Variants in NCOA2 observed in about 807,000 individuals in gnomAD.
The protein encoded by NCOA2 is class E basic helix-loop-helix protein 75.
A neutral mutation model predicts 145.1 loss-of-function variants in NCOA2; 21 were observed. The observed-to-expected ratio is 0.14, with a 90% CI of 0.10 to 0.21. The LOEUF (loss-of-function observed/expected upper bound fraction) is 0.21, where lower values mean the gene tolerates loss of function less well. Among genes scored for constraint, NCOA2 ranks in the 10% least tolerant of loss-of-function variants. The pLI, the probability that NCOA2 is intolerant of heterozygous loss-of-function variation, is 1.00. For synonymous variants in NCOA2, 619 were observed against 637.5 expected, an observed-to-expected ratio of 0.97 and a Z score of 0.44; for missense variants, 1,472 against 1,837.6, an observed-to-expected ratio of 0.80 and a Z score of 3.64.
At chr8:70,177,068 G>A (rs143685123) in intron 4 of NCOA2, among the ~76,000 whole-genome samples, 4 of 152,320 alleles carry the variant, frequency 2.6e-5, no homozygotes, top group African/African-American at 9.6e-5. Context: ...CCCACAGACT[G>A]ACTGATCTGC....
At chr8:70,353,839 T>C (rs1413530153) in intron 1 of NCOA2, among the ~76,000 whole-genome samples, 3 of 152,186 alleles carry the variant, frequency 2.0e-5, no homozygotes, top group Non-Finnish European at 4.4e-5. Flanking sequence ...ATATACATTT[T>C]AACTCCCCAT....
chr8:70,307,408 A>T (rs1383549068), intron 1 of NCOA2, among the ~76,000 whole-genome samples: 2 of 152,082 alleles, frequency 1.3e-5, no homozygotes, highest in African/African-American at 4.8e-5. Context: ...TTGTGGCTAA[A>T]TTTTTCTTCA....
intron 2 of NCOA2, among the ~76,000 whole-genome samples, chr8:70,264,320 C>A (rs1238375000): frequency 6.6e-6 from 1 of 151,994 alleles, no homozygotes. Context: ...GAGTTTCAGA[C>A]CAGTCTGGGC....
At chr8:70,159,242 A>ATTTTTTTTTTTTTTTTTTTT (rs763150293) in intron 10 of NCOA2, among the ~76,000 whole-genome samples, 2 of 61,078 alleles carry the variant, frequency 3.3e-5, no homozygotes, top group African/African-American at 1.1e-4. Flanking sequence ...ATATATATAT[A>ATTTTTTTTTTTTTTTTTTTT]TTTTTTTTTT....
upstream of NCOA2, among the ~76,000 whole-genome samples, chr8:70,403,976 T>C (rs1193975056): frequency 1.3e-5 from 2 of 151,748 alleles, no homozygotes; most frequent in African/African-American, 4.8e-5. Flanking sequence ...TCCCCGGCAG[T>C]GGCCGCCGCC....
the NCOA2 span, among the ~76,000 whole-genome samples, chr8:70,419,706 T>A: frequency 6.6e-6 from 1 of 152,212 alleles, no homozygotes; most frequent in African/African-American, 2.4e-5. Context: ...ATGATTTGTG[T>A]CATCTACCAA....
chr8:70,422,564 C>T, the NCOA2 span, among the ~76,000 whole-genome samples: 1 of 152,076 alleles, frequency 6.6e-6, no homozygotes, highest in Non-Finnish European at 1.5e-5. Context: ...GTGTGCACCA[C>T]CACACCCAGC....
chr8:70,389,333 T>C (rs1170269671), intron 1 of NCOA2, among the ~76,000 whole-genome samples: 1 of 151,820 alleles, frequency 6.6e-6, no homozygotes, highest in African/African-American at 2.4e-5. Flanking sequence ...CAGACTGGAG[T>C]GCAATGGCAC....
At chr8:70,148,893 A>T (rs1465773651) in intron 11 of NCOA2, among the ~76,000 whole-genome samples, 3 of 152,202 alleles carry the variant, frequency 2.0e-5, no homozygotes, top group African/African-American at 7.2e-5. Flanking sequence ...CCTAAGAAAT[A>T]ACAACAACAA....
At chr8:70,241,319 CAT>C in intron 2 of NCOA2, among the ~76,000 whole-genome samples, 1 of 152,164 alleles carries the variant, frequency 6.6e-6, no homozygotes, top group Non-Finnish European at 1.5e-5. Context: ...CATGGCAATT[CAT>C]AGTCACTCTG....
At chr8:70,360,431 T>C (rs1810097031) in intron 1 of NCOA2, among the ~76,000 whole-genome samples, 1 of 152,132 alleles carries the variant, frequency 6.6e-6, no homozygotes, top group Non-Finnish European at 1.5e-5. Context: ...AACTATGAAT[T>C]TAATTAGCAG....
At chr8:70,166,539 C>T (rs781004657) in intron 7 of NCOA2, 27 bp downstream of exon 7, 4 of 1,612,486 alleles carry the variant, frequency 2.5e-6, no homozygotes, top group African/African-American at 2.7e-5. Flanking sequence ...CACAGACACA[C>T]AGAACACCCT....
chr8:70,345,714 A>G (rs1808556824), intron 1 of NCOA2, among the ~76,000 whole-genome samples: 1 of 152,190 alleles, frequency 6.6e-6, no homozygotes, highest in African/African-American at 2.4e-5. Context: ...CATCTAGTCC[A>G]ACACCCTCAA....
At chr8:70,272,800 A>G (rs1234733791) in intron 2 of NCOA2, among the ~76,000 whole-genome samples, 1 of 152,194 alleles carries the variant, frequency 6.6e-6, no homozygotes, top group African/African-American at 2.4e-5. Flanking sequence ...CTCTTTAAAG[A>G]TGTAAAATAA....
At chr8:70,271,638 A>T (rs1007234020) in intron 2 of NCOA2, among the ~76,000 whole-genome samples, 3 of 152,208 alleles carry the variant, frequency 2.0e-5, no homozygotes, top group African/African-American at 7.2e-5. Flanking sequence ...CATCAAATGT[A>T]CAATGAGAAA....
chr8:70,430,477 C>A, the NCOA2 span, among the ~76,000 whole-genome samples: 1 of 152,240 alleles, frequency 6.6e-6, no homozygotes, highest in Non-Finnish European at 1.5e-5. Context: ...ATGTATATAT[C>A]CTTGAAACCG....
intron 11 of NCOA2, among the ~76,000 whole-genome samples, chr8:70,150,168 A>G (rs1811580973): frequency 6.6e-6 from 1 of 152,232 alleles, no homozygotes; most frequent in South Asian, 2.1e-4. Flanking sequence ...TAGAGCAATT[A>G]CAAGACCATT....
At chr8:70,398,720 T>C (rs919019767) in intron 1 of NCOA2, among the ~76,000 whole-genome samples, 4 of 152,214 alleles carry the variant, frequency 2.6e-5, no homozygotes, top group African/African-American at 9.6e-5. Flanking sequence ...AAAACAGCTA[T>C]GTAAAACACC....
At chr8:70,229,742 T>C (rs551071685) in intron 2 of NCOA2, among the ~76,000 whole-genome samples, 1 of 152,268 alleles carries the variant, frequency 6.6e-6, no homozygotes. Flanking sequence ...CTGTCAGAAA[T>C]GCACTCTCTG....
Sources: gnomAD v4.1 joint callset for allele counts (sites outside exome capture counted in the v4.1 genomes callset) on GRCh38, gnomAD v4.1.1 for gene constraint, MANE v1.5 for transcripts, NCBI Gene and HGNC (gene_info 2026-07-23, HGNC 2026-07-21) for gene names.